The following NETO1 variants were observed in gnomAD, a reference collection of about 807,000 sequenced individuals.
NETO1 encodes the protein neuropilin and tolloid like 1.
NETO1 carries 26 observed loss-of-function variants against 61.3 expected under a neutral mutation model. The ratio of observed to expected loss-of-function variants is 0.42; its 90% CI spans 0.31 to 0.59. NETO1 has a LOEUF of 0.59. Among genes scored for constraint, NETO1 ranks in the 20% least tolerant of loss-of-function variants. The pLI is 0.12. For synonymous variants in NETO1, 225 were observed against 225.8 expected (o/e 1.00, Z 0.03); for missense variants, 531 against 662.8 (o/e 0.80, Z 2.18).
At chr18:72,751,708 CAT>C (rs1440218197) in intron 8 of NETO1, among the ~76,000 whole-genome samples, 1 of 152,190 alleles carries the variant, frequency 6.6e-6, no homozygotes, top group African/African-American at 2.4e-5. Context: ...GACAACACCA[CAT>C]GTTAGCAACC....
chr18:72,745,580 GA>G lies in NETO1; in HGVS notation c.*2598del, dbSNP rs745632046. On this transcript the variant is annotated 3_prime_UTR_variant, in exon 11 of 11. Coordinates refer to ENST00000327305, the MANE Select transcript of NETO1 (RefSeq NM_138966.5). ...AAATAACATGTCTTATAAGTCTTGAGACATCTCATTCCTTATCTATGTGTGT... is the reference window on the plus strand; with the variant it reads ...AAATAACATGTCTTATAAGTCTTGAGCATCTCATTCCTTATCTATGTGTGT... 4.6e-5 allele frequency: 7 copies of G among 152,148 alleles called. No individual in the cohort carries two copies. Among genetic ancestry groups the G allele is most frequent in the Non-Finnish European group, 7.3e-5 (5 of 68,032 alleles). The allele number at this position is 152,148 out of a possible 1,614,324, so 9.4% of individuals were successfully genotyped here. A position where few individuals can be genotyped will look rare whatever the true frequency, so the allele number is the denominator to read the frequency against.
intron 4 of NETO1, among the ~76,000 whole-genome samples, chr18:72,797,588 A>G (rs1481067645): frequency 2.0e-5 from 3 of 152,186 alleles, no homozygotes; most frequent in African/African-American, 7.2e-5. Context: ...CTAGTCTTCC[A>G]CTCTGGATCT....
intron 4 of NETO1, among the ~76,000 whole-genome samples, chr18:72,820,225 C>A (rs2062312): frequency 0.12 from 17,946 of 152,124 alleles, 1,296 homozygotes; most frequent in Middle Eastern, 0.25. Flanking sequence ...ATAATTTTTA[C>A]TTTGCTTGTT....
At chr18:72,784,006 A>C in intron 6 of NETO1, 100 bp from the exon 7 acceptor site, 1 of 742,122 alleles carries the variant, frequency 1.3e-6, no homozygotes, top group South Asian at 1.7e-5. Flanking sequence ...GACAATCTTG[A>C]TTGCAATCAA....
chr18:72,774,563 C>T (rs189810653), intron 7 of NETO1, among the ~76,000 whole-genome samples: 1 of 152,096 alleles, frequency 6.6e-6, no homozygotes, highest in East Asian at 1.9e-4. Context: ...TAAAATACGG[C>T]ACACTTCTAA....
Position 72,745,107 on chromosome 18 carries a change from T to C in NETO1, c.*3072A>G, listed in dbSNP as rs935699741. The C allele has an allele frequency of 1.3e-5, 2 of 152,216 alleles. No individual in the cohort carries two copies. The highest frequency in any genetic ancestry group is 6.6e-5 in the Admixed American group (1 of 15,266). The allele number at this position is 152,216 out of a possible 1,614,324, so 9.4% of individuals were successfully genotyped here. The stretch of plus-strand genomic sequence containing the variant: ...ACCAGCAACACCACAATGTGATTTG[T>C]TCTCCATTAAAAGCCCAAAGACACT... On this transcript the variant is annotated 3_prime_UTR_variant, in exon 11 of 11. Coordinates refer to ENST00000327305, the MANE Select transcript of NETO1 (RefSeq NM_138966.5).
chr18:72,852,292 G>T (rs560006114), intron 4 of NETO1, among the ~76,000 whole-genome samples: 1 of 152,110 alleles, frequency 6.6e-6, no homozygotes, highest in Non-Finnish European at 1.5e-5. Flanking sequence ...TCGGCTCACT[G>T]CAACCTCCGC....
Position 72,756,080 on chromosome 18 carries a change from A to G in NETO1, c.936T>C (p.Asn312=), listed in dbSNP as rs1377814264. Reference sequence around the variant, plus strand: ...AAGGATACACACAGTTCTGGAGTCCATTGCAGACCAAAGTATTATTAATAC... The same window carrying G: ...AAGGATACACACAGTTCTGGAGTCCGTTGCAGACCAAAGTATTATTAATAC... ...NMCINNTLVC[N]GLQNCVYPWD... is the part of the protein sequence containing the mutation. The change falls in exon 8 of 11, where the codon AAT becomes AAC. Residue 312 remains asparagine, a synonymous_variant. Transcript: ENST00000327305. 1 of 1,611,212 alleles carries G rather than the reference A, an allele frequency of 6.2e-7. No individual in the cohort carries two copies.
At chr18:72,815,551 T>A (rs1942873784) in intron 4 of NETO1, among the ~76,000 whole-genome samples, 1 of 152,114 alleles carries the variant, frequency 6.6e-6, no homozygotes, top group African/African-American at 2.4e-5. Context: ...TTAATACAAG[T>A]CATTTAATCT....
chr18:72,790,403 T>C (rs1281599083), intron 6 of NETO1, among the ~76,000 whole-genome samples: 1 of 152,146 alleles, frequency 6.6e-6, no homozygotes, highest in East Asian at 1.9e-4. Flanking sequence ...AATGTGGTTT[T>C]GTGAGAGTGA....
At chr18:72,826,573 A>G (rs867547941) in intron 4 of NETO1, among the ~76,000 whole-genome samples, 1 of 150,204 alleles carries the variant, frequency 6.7e-6, no homozygotes, top group Admixed American at 6.6e-5. Flanking sequence ...TTTCTATTTG[A>G]TTGATAACGA....
In NETO1 at chr18:72,746,185, A is replaced by C. The variant is rs984117632; in HGVS notation, c.*1994T>G. On this transcript the variant is annotated 3_prime_UTR_variant, in exon 11 of 11. Coordinates refer to ENST00000327305, the MANE Select transcript of NETO1 (RefSeq NM_138966.5). ...TTTTTATTGCTGTTACAAATAAAAA[A>C]TCTTGACAGTTATATCATACTTTTG... 6.6e-6 allele frequency among the ~76,000 whole-genome samples: 1 copy of C among 152,184 alleles called. No homozygotes were observed. The highest frequency in any genetic ancestry group is 1.5e-5 in the Non-Finnish European group (1 of 68,034).
intron 4 of NETO1, among the ~76,000 whole-genome samples, chr18:72,821,177 C>G (rs1475234994): frequency 1.4e-5 from 2 of 145,520 alleles, no homozygotes; most frequent in Admixed American, 7.0e-5. Flanking sequence ...TCCTTAGCCC[C>G]GTTTTCTGTC....
chr18:72,851,210 G>A (rs923763565), intron 4 of NETO1, among the ~76,000 whole-genome samples: 3 of 152,040 alleles, frequency 2.0e-5, no homozygotes, highest in South Asian at 2.1e-4. Flanking sequence ...TCGGGAGTTC[G>A]AGACCAGCCT....
At chr18:72,761,768 T>G (rs1403921932) in intron 7 of NETO1, among the ~76,000 whole-genome samples, 15 of 152,212 alleles carry the variant, frequency 9.9e-5, no homozygotes, top group Admixed American at 9.8e-4. Context: ...ACCTTAACTC[T>G]AATTTAAAAA....
intron 4 of NETO1, among the ~76,000 whole-genome samples, chr18:72,837,182 T>C (rs2073777601): frequency 6.6e-6 from 1 of 152,140 alleles, no homozygotes; most frequent in Non-Finnish European, 1.5e-5. Context: ...AAACTTGTGC[T>C]TGGGGTATTT....
At chr18:72,864,081 T>C (rs1020358029) in intron 3 of NETO1, among the ~76,000 whole-genome samples, 8 of 151,872 alleles carry the variant, frequency 5.3e-5, no homozygotes, top group African/African-American at 1.7e-4. Flanking sequence ...TAGCCAGGCA[T>C]GGTGGCGTAT....
intron 7 of NETO1, among the ~76,000 whole-genome samples, chr18:72,757,667 T>A (rs1249262280): frequency 6.6e-6 from 1 of 151,450 alleles, no homozygotes; most frequent in Non-Finnish European, 1.5e-5. Flanking sequence ...TGCTAATGAT[T>A]TGTTAAGTAC....
chr18:72,767,534 TAAG>T (rs1415604475), intron 7 of NETO1, among the ~76,000 whole-genome samples: 1 of 152,208 alleles, frequency 6.6e-6, no homozygotes, highest in African/African-American at 2.4e-5. Context: ...TCAAATTACT[TAAG>T]AAAATTAACT....
Sources: gnomAD v4.1 joint callset for allele counts (sites outside exome capture counted in the v4.1 genomes callset) on GRCh38, gnomAD v4.1.1 for gene constraint, MANE v1.5 for transcripts, NCBI Gene and HGNC (gene_info 2026-07-23, HGNC 2026-07-21) for gene names.